The following WDR41 variants were observed in gnomAD, a reference collection of about 807,000 sequenced individuals.
WDR41 encodes the protein WD repeat domain 41, also known as WD repeat-containing protein 41.
Under a neutral mutation model 69.3 loss-of-function variants are expected in WDR41, and 63 were observed. The ratio of observed to expected loss-of-function variants is 0.91; its 90% CI spans 0.74 to 1.12. The LOEUF is 1.12. WDR41 is among the 50% of genes most tolerant of loss of function. The probability of loss-of-function intolerance (pLI) is 0.00; values close to 1 mark genes in which losing one functional copy is unlikely to be tolerated. For missense variants in WDR41, 543 were observed against 534.5 expected, an observed-to-expected ratio of 1.02 and a Z score of -0.16; for synonymous variants, 185 against 192.1, an observed-to-expected ratio of 0.96 and a Z score of 0.31.
At chr5:77,550,700 G>T (rs1474993759) in intron 1 of WDR41, among the ~76,000 whole-genome samples, 4 of 152,176 alleles carry the variant, frequency 2.6e-5, no homozygotes, top group Non-Finnish European at 5.9e-5. Context: ...ACTGAAAACA[G>T]AACTGCCATT....
intron 1 of WDR41, among the ~76,000 whole-genome samples, chr5:77,538,120 C>G (rs1743022980): frequency 6.6e-6 from 1 of 152,168 alleles, no homozygotes; most frequent in Non-Finnish European, 1.5e-5. Flanking sequence ...TCTCTCCACT[C>G]TCTATTTCCA....
chr5:77,468,148 G>A (rs1239340095), intron 2 of WDR41, among the ~76,000 whole-genome samples: 1 of 151,970 alleles, frequency 6.6e-6, no homozygotes, highest in African/African-American at 2.4e-5. Flanking sequence ...AAGACCTATG[G>A]CAGACCTCCT....
chr5:77,441,100 T>G, intron 8 of WDR41, 103 bp from the exon 9 acceptor site: 1 of 1,264,000 alleles, frequency 7.9e-7, no homozygotes, highest in Non-Finnish European at 1.1e-6. Flanking sequence ...CCACAGTAAT[T>G]AGAACAGTGA....
intron 1 of WDR41, among the ~76,000 whole-genome samples, chr5:77,556,237 T>C (rs1208543491): frequency 6.6e-6 from 1 of 151,232 alleles, no homozygotes; most frequent in African/African-American, 2.4e-5. Context: ...CCGAAATAGC[T>C]GGGATTATAG....
intron 2 of WDR41, among the ~76,000 whole-genome samples, chr5:77,474,287 G>T (rs554023453): frequency 5.9e-5 from 9 of 152,038 alleles, no homozygotes; most frequent in African/African-American, 2.2e-4. Flanking sequence ...GCCTGTTGTG[G>T]GGTGGGGGGA....
chr5:77,486,183 T>C (rs1279509907), intron 2 of WDR41, among the ~76,000 whole-genome samples: 2 of 152,232 alleles, frequency 1.3e-5, no homozygotes, highest in African/African-American at 4.8e-5. Context: ...CTTTCGGTTT[T>C]TCTTTTTTAG....
chr5:77,541,754 A>G (rs1334647115), intron 1 of WDR41, among the ~76,000 whole-genome samples: 1 of 152,176 alleles, frequency 6.6e-6, no homozygotes, highest in East Asian at 1.9e-4. Flanking sequence ...TGGCCTCCCA[A>G]AGTGTTGGGA....
chr5:77,505,268 C>A (rs1027717161), intron 1 of WDR41, among the ~76,000 whole-genome samples: 2 of 152,016 alleles, frequency 1.3e-5, no homozygotes, highest in African/African-American at 4.8e-5. Context: ...GAGTGAACGC[C>A]CATTTACAAT....
chr5:77,475,613 G>A (rs915687800), intron 2 of WDR41, among the ~76,000 whole-genome samples: 13 of 152,086 alleles, frequency 8.5e-5, no homozygotes, highest in Admixed American at 6.6e-4. Flanking sequence ...TGAGGGTCCT[G>A]TCTGTTAGAA....
At chr5:77,525,336 A>G (rs1019981298) in intron 1 of WDR41, among the ~76,000 whole-genome samples, 72 of 152,186 alleles carry the variant, frequency 4.7e-4, no homozygotes, top group African/African-American at 1.6e-3. Context: ...CTCAGCAATT[A>G]ATATTTTGTA....
At chr5:77,534,626 C>T (rs531956116) in intron 1 of WDR41, among the ~76,000 whole-genome samples, 1 of 152,062 alleles carries the variant, frequency 6.6e-6, no homozygotes, top group South Asian at 2.1e-4. Flanking sequence ...TGGAGACAGG[C>T]TTTCACTATG....
chr5:77,533,032 A>T (rs1267978707), intron 1 of WDR41, among the ~76,000 whole-genome samples: 1 of 152,166 alleles, frequency 6.6e-6, no homozygotes. Context: ...AAAAGTAAAA[A>T]ATATCTTGCA....
At chr5:77,605,200 C>T (rs535809035) in intron 1 of WDR41, among the ~76,000 whole-genome samples, 14 of 152,300 alleles carry the variant, frequency 9.2e-5, no homozygotes, top group African/African-American at 3.4e-4. Flanking sequence ...TTGGGATCCT[C>T]GTCTGACCTG....
chr5:77,611,570 G>A (rs201129960), intron 1 of WDR41, among the ~76,000 whole-genome samples: 39 of 152,316 alleles, frequency 2.6e-4, no homozygotes, highest in East Asian at 7.8e-4. Flanking sequence ...GGTACATAAC[G>A]AAATGAAGGC....
intron 1 of WDR41, among the ~76,000 whole-genome samples, chr5:77,564,656 G>A (rs555489485): frequency 1.1e-4 from 17 of 152,082 alleles, no homozygotes; most frequent in Non-Finnish European, 2.5e-4. Flanking sequence ...TTATCTCTCT[G>A]TACATATTCC....
chr5:77,572,369 C>T (rs1360618926), intron 1 of WDR41, among the ~76,000 whole-genome samples: 1 of 152,160 alleles, frequency 6.6e-6, no homozygotes. Context: ...TCTGTTCTAG[C>T]TATGTGAATT....
rs1236889342 is a variant in WDR41 at position 77,450,515 on chromosome 5, T to C, written c.587-645A>G. ...TAGTATAAATCCTAACTTTAATCAA[T>C]ACAGAAAACCCATAATAAAATCCAC... On this transcript the variant is annotated intron_variant, in intron 7 of 12. Transcript: ENST00000296679. Among the ~76,000 whole-genome samples, 3 of 152,322 alleles carry C rather than the reference T, an allele frequency of 2.0e-5. No individual in the cohort carries two copies. The South Asian group carries it at 6.2e-4, about 32-fold the overall frequency.
At chr5:77,495,378 A>T (rs2112142981), upstream of WDR41, among the ~76,000 whole-genome samples, 2 of 152,154 alleles carry the variant, frequency 1.3e-5, 1 homozygote, top group Middle Eastern at 6.8e-3. Context: ...AAAAACCTTT[A>T]GCTGGACTGA....
chr5:77,470,115 G>A (rs1217423288), intron 2 of WDR41, among the ~76,000 whole-genome samples: 1 of 151,246 alleles, frequency 6.6e-6, no homozygotes, highest in Non-Finnish European at 1.5e-5. Context: ...GATAATGGGG[G>A]CCAATATTCA....
Sources: allele counts gnomAD v4.1 joint callset (sites outside exome capture counted in the v4.1 genomes callset), GRCh38; gene constraint gnomAD v4.1.1; transcripts MANE v1.5; gene names NCBI Gene and HGNC (gene_info 2026-07-23, HGNC 2026-07-21).